Variants in C12orf42 observed in about 807,000 individuals in gnomAD.
C12orf42 encodes the protein uncharacterized protein C12orf42.
A neutral mutation model predicts 21.6 loss-of-function variants in C12orf42; 25 were observed. The observed-to-expected ratio is 1.16, with a 90% CI of 0.84 to 1.62. C12orf42 has a LOEUF of 1.62. Ranked by LOEUF, C12orf42 falls within the 40% of genes most tolerant of loss-of-function variation. C12orf42 has a pLI of 0.00. For synonymous variants in C12orf42, 174 were observed against 175.0 expected (o/e 0.99, Z 0.05); for missense variants, 483 against 459.3 (o/e 1.05, Z -0.47).
the C12orf42 span, among the ~76,000 whole-genome samples, chr12:103,109,045 G>A: frequency 6.6e-6 from 1 of 152,070 alleles, no homozygotes; most frequent in Non-Finnish European, 1.5e-5. Context: ...TAAATTCAAT[G>A]CAACTAATCA....
At chr12:103,230,718 C>T in the C12orf42 span, among the ~76,000 whole-genome samples, 1 of 152,146 alleles carries the variant, frequency 6.6e-6, no homozygotes, top group African/African-American at 2.4e-5. Flanking sequence ...TTAATCCTAC[C>T]AGCTACATAA....
chr12:103,120,028 C>T, the C12orf42 span, among the ~76,000 whole-genome samples: 1 of 152,194 alleles, frequency 6.6e-6, no homozygotes, highest in East Asian at 1.9e-4. Context: ...AAAGGGATGG[C>T]AGGGAAGTAA....
chr12:103,301,121 G>T (rs2037618686), downstream of C12orf42, among the ~76,000 whole-genome samples: 1 of 152,000 alleles, frequency 6.6e-6, no homozygotes, highest in Non-Finnish European at 1.5e-5. Flanking sequence ...ACTTAAATTT[G>T]GACTTGAGAC....
intron 1 of C12orf42, among the ~76,000 whole-genome samples, chr12:103,490,496 T>C (rs1955121058): frequency 6.6e-6 from 1 of 152,106 alleles, no homozygotes. Flanking sequence ...TTATTATTTA[T>C]CCATTGATTT....
downstream of C12orf42, among the ~76,000 whole-genome samples, chr12:103,235,194 G>A (rs1476539764): frequency 6.6e-6 from 1 of 152,090 alleles, no homozygotes; most frequent in Non-Finnish European, 1.5e-5. Context: ...CCAGAGTTGT[G>A]CTAAAACAAC....
intron 1 of C12orf42, among the ~76,000 whole-genome samples, chr12:103,482,052 T>A (rs963879845): frequency 6.6e-6 from 1 of 152,086 alleles, no homozygotes; most frequent in East Asian, 1.9e-4. Context: ...GCTGCCTAAA[T>A]TGCTGTTCTT....
At chr12:103,524,845 A>G in the C12orf42 span, among the ~76,000 whole-genome samples, 1 of 152,066 alleles carries the variant, frequency 6.6e-6, no homozygotes, top group Non-Finnish European at 1.5e-5. Flanking sequence ...AGAAAAGTTC[A>G]GCATCACAGG....
In C12orf42 at chr12:103,302,261, C is replaced by T. The variant is rs751740895; in HGVS notation, c.930G>A (p.Ala310=). 8 of 1,611,642 alleles carry T rather than the reference C, an allele frequency of 5.0e-6. No homozygotes were observed. Among genetic ancestry groups the T allele is most frequent in the African/African-American group, 2.7e-5 (2 of 74,884 alleles). Residue 310 remains alanine (A), a synonymous_variant, in exon 6 of 6, where the codon GCG becomes GCA. Coordinates refer to ENST00000548883, the MANE Select transcript of C12orf42 (RefSeq NM_198521.5). ...AAGCACCGGCCAGCAGAGGAAGGGG[C>T]GCTCCTGCCAGATTGCCATGGAGGG... ...DTSLHGNLAG[A]PLPLLAGAST...
At chr12:103,469,239 G>A (rs1180761194) in intron 2 of C12orf42, among the ~76,000 whole-genome samples, 1 of 152,208 alleles carries the variant, frequency 6.6e-6, no homozygotes, top group African/African-American at 2.4e-5. Context: ...GAACCTTCAA[G>A]CTCTCTTTTT....
intron 10 of C12orf42, among the ~76,000 whole-genome samples, chr12:103,255,221 A>G (rs2034502521): frequency 6.6e-6 from 1 of 151,940 alleles, no homozygotes. Context: ...AAATACAAAA[A>G]ATTAGCTGGG....
intron 4 of C12orf42, among the ~76,000 whole-genome samples, chr12:103,311,427 A>G (rs1438802330): frequency 1.3e-5 from 2 of 152,036 alleles, no homozygotes; most frequent in Non-Finnish European, 2.9e-5. Flanking sequence ...ACTTCAGCAA[A>G]CCAGAACCTT....
the C12orf42 span, among the ~76,000 whole-genome samples, chr12:103,214,718 T>G: frequency 6.6e-5 from 10 of 152,068 alleles, no homozygotes; most frequent in Admixed American, 6.5e-4. Flanking sequence ...GTTAAGGGAG[T>G]CCACTGAAAA....
chr12:103,324,713 T>C lies in C12orf42; in HGVS notation c.260-18368A>G, dbSNP rs531192282. 5.3e-5 allele frequency among the ~76,000 whole-genome samples: 8 copies of C among 152,310 alleles called. No individual in the cohort carries two copies. In the East Asian group the frequency reaches 9.6e-4, roughly 18 times the overall value. On this transcript the variant is annotated intron_variant, in intron 4 of 5. Coordinates refer to ENST00000548883, the MANE Select transcript of C12orf42 (RefSeq NM_198521.5). ...TTTCCCTGTCCCCTCATCCCTATTATGGCCACAAATCTCCATTTCGGTTCT... is the reference window on the plus strand; with the variant it reads ...TTTCCCTGTCCCCTCATCCCTATTACGGCCACAAATCTCCATTTCGGTTCT...
At chr12:103,216,211 A>G in the C12orf42 span, among the ~76,000 whole-genome samples, 1 of 152,186 alleles carries the variant, frequency 6.6e-6, no homozygotes, top group East Asian at 1.9e-4. Flanking sequence ...GATTCTAGGA[A>G]TAGGATTCTT....
chr12:103,252,491 T>A (rs1368365378), intron 10 of C12orf42, among the ~76,000 whole-genome samples: 1 of 152,228 alleles, frequency 6.6e-6, no homozygotes, highest in Non-Finnish European at 1.5e-5. Flanking sequence ...CCATTCTAAC[T>A]GGTGTGAGAT....
chr12:103,191,787 A>G, the C12orf42 span, among the ~76,000 whole-genome samples: 8 of 151,462 alleles, frequency 5.3e-5, no homozygotes, highest in Non-Finnish European at 1.0e-4. Flanking sequence ...ATTAAGAGCT[A>G]TAACCATAAA....
the C12orf42 span, among the ~76,000 whole-genome samples, chr12:103,104,772 A>AT: frequency 6.6e-6 from 1 of 152,222 alleles, no homozygotes; most frequent in Admixed American, 6.5e-5. Flanking sequence ...AACAAAGAAG[A>AT]TATGGCCTTG....
the C12orf42 span, chr12:103,504,335 T>C: frequency 6.2e-6 from 1 of 162,308 alleles, no homozygotes; most frequent in Non-Finnish European, 1.3e-5. Context: ...CTTCAGGGCT[T>C]CCTGTCGGAG....
At chr12:103,283,589 C>G (rs899071198) in intron 4 of C12orf42, among the ~76,000 whole-genome samples, 7 of 152,332 alleles carry the variant, frequency 4.6e-5, no homozygotes, top group African/African-American at 1.4e-4. Flanking sequence ...TCATTTTCCT[C>G]TCCAGAGTCT....
Sources: allele counts gnomAD v4.1 joint callset (sites outside exome capture counted in the v4.1 genomes callset), GRCh38; gene constraint gnomAD v4.1.1; transcripts MANE v1.5; gene names NCBI Gene and HGNC (gene_info 2026-07-23, HGNC 2026-07-21).